PEX5L: variants seen among roughly 807,000 people sequenced by gnomAD.
The protein encoded by PEX5L is peroxisomal biogenesis factor 5 like.
In PEX5L, 30 loss-of-function variants were observed where a neutral mutation model predicts 84.0. That is an observed-to-expected ratio of 0.36 (90% confidence interval 0.27 to 0.48). The LOEUF is 0.48. Among genes scored for constraint, PEX5L ranks in the 20% least tolerant of loss-of-function variants. The pLI, the probability that PEX5L is intolerant of heterozygous loss-of-function variation, is 0.99. For synonymous variants in PEX5L, 270 were observed against 283.1 expected (o/e 0.95, Z 0.46); for missense variants, 533 against 754.6 (o/e 0.71, Z 3.44).
intron 8 of PEX5L, among the ~76,000 whole-genome samples, chr3:179,844,245 T>C (rs1205789841): frequency 6.6e-6 from 1 of 152,236 alleles, no homozygotes; most frequent in African/African-American, 2.4e-5. Flanking sequence ...GGGTCATGTC[T>C]TTATTACTTG....
At chr3:179,885,453 T>G (rs759513126) in intron 4 of PEX5L, among the ~76,000 whole-genome samples, 4 of 152,090 alleles carry the variant, frequency 2.6e-5, no homozygotes, top group Middle Eastern at 3.2e-3. Context: ...GAGACCATCC[T>G]GGCTAACACA....
intron 2 of PEX5L, among the ~76,000 whole-genome samples, chr3:179,918,275 C>T (rs1353883000): frequency 1.3e-5 from 2 of 152,176 alleles, no homozygotes; most frequent in African/African-American, 4.8e-5. Context: ...CCACTGTCAT[C>T]TATCTTCTCC....
chr3:180,036,178 C>A (rs9870509), intron 1 of PEX5L, among the ~76,000 whole-genome samples: 2,402 of 152,256 alleles, frequency 0.016, 77 homozygotes, highest in African/African-American at 0.055. Context: ...GTCAAGCAAC[C>A]TTTTCAGATG....
intron 1 of PEX5L, among the ~76,000 whole-genome samples, chr3:180,016,696 G>A (rs1306751174): frequency 6.6e-6 from 1 of 152,184 alleles, no homozygotes; most frequent in African/African-American, 2.4e-5. Context: ...CAAGAACTCA[G>A]ACAGGGTTGC....
chr3:179,973,486 C>G (rs1360277393), intron 1 of PEX5L: 1 of 962,828 alleles, frequency 1.0e-6, no homozygotes, highest in Non-Finnish European at 1.2e-6. Context: ...TGCTCTTTGA[C>G]TGTTGTTCCC....
chr3:179,855,122 C>T (rs1009544325), intron 8 of PEX5L, among the ~76,000 whole-genome samples: 2 of 152,004 alleles, frequency 1.3e-5, no homozygotes, highest in Non-Finnish European at 2.9e-5. Flanking sequence ...AGGCAGAAGC[C>T]AAAACACCTG....
At chr3:180,002,819 T>C (rs548955623) in intron 1 of PEX5L, among the ~76,000 whole-genome samples, 12 of 152,206 alleles carry the variant, frequency 7.9e-5, no homozygotes, top group Admixed American at 6.5e-4. Flanking sequence ...ATGGCAAATA[T>C]AATAAACCTC....
intron 1 of PEX5L, among the ~76,000 whole-genome samples, chr3:179,983,171 A>G (rs1488095983): frequency 6.6e-6 from 1 of 152,014 alleles, no homozygotes; most frequent in African/African-American, 2.4e-5. Flanking sequence ...ATATGTAAGT[A>G]TACCAATATA....
At chr3:179,966,963 T>A (rs1042790974) in intron 2 of PEX5L, among the ~76,000 whole-genome samples, 1 of 152,200 alleles carries the variant, frequency 6.6e-6, no homozygotes, top group Non-Finnish European at 1.5e-5. Flanking sequence ...TAACTACTTT[T>A]AGCTCTAGTT....
chr3:180,012,480 G>A (rs1789573490), intron 1 of PEX5L, among the ~76,000 whole-genome samples: 1 of 152,114 alleles, frequency 6.6e-6, no homozygotes, highest in Non-Finnish European at 1.5e-5. Context: ...AAACTGGTAG[G>A]TTTTGTTTTG....
At chr3:179,917,931 T>G (rs1466259953) in intron 2 of PEX5L, among the ~76,000 whole-genome samples, 1 of 152,172 alleles carries the variant, frequency 6.6e-6, no homozygotes, top group Non-Finnish European at 1.5e-5. Context: ...AGTGCTGGGA[T>G]TAAAGGTGTG....
chr3:179,959,648 T>C (rs1453877998), intron 2 of PEX5L, among the ~76,000 whole-genome samples: 1 of 152,214 alleles, frequency 6.6e-6, no homozygotes, highest in Admixed American at 6.5e-5. Context: ...TATTTCATAA[T>C]AAAGAAAATG....
intron 2 of PEX5L, among the ~76,000 whole-genome samples, chr3:179,967,177 C>T (rs912129028): frequency 1.3e-5 from 2 of 152,150 alleles, no homozygotes; most frequent in African/African-American, 4.8e-5. Context: ...TTAATCCATT[C>T]ATAGCATGAT....
At chr3:179,913,314 A>G (rs1765831732) in intron 2 of PEX5L, among the ~76,000 whole-genome samples, 1 of 152,148 alleles carries the variant, frequency 6.6e-6, no homozygotes, top group South Asian at 2.1e-4. Context: ...CTTTAGGTAT[A>G]AATTATATGT....
intron 3 of PEX5L, chr3:179,888,178 T>C (rs1756495624): frequency 7.8e-7 from 1 of 1,289,610 alleles, no homozygotes; most frequent in Non-Finnish European, 1.0e-6. Flanking sequence ...AGATGACATG[T>C]TCTGGTTAGC....
chr3:179,856,332 A>G (rs764585678), intron 8 of PEX5L, among the ~76,000 whole-genome samples: 2 of 152,210 alleles, frequency 1.3e-5, no homozygotes, highest in African/African-American at 4.8e-5. Context: ...TATTTCAATT[A>G]TTGCTAGACA....
chr3:179,952,207 A>C (rs2177590), intron 2 of PEX5L, among the ~76,000 whole-genome samples: 108,987 of 152,128 alleles, frequency 0.72, 39,635 homozygotes, highest in East Asian at 0.89. Context: ...AATATCAAAC[A>C]ATCTGGCATA....
chr3:179,819,368 C>G (rs1186738291), intron 9 of PEX5L, among the ~76,000 whole-genome samples: 1 of 152,100 alleles, frequency 6.6e-6, no homozygotes, highest in East Asian at 1.9e-4. Flanking sequence ...GGGACTTTAC[C>G]TGGTTGTGTG....
At chr3:179,904,333 C>G (rs946525510) in intron 2 of PEX5L, among the ~76,000 whole-genome samples, 1 of 152,190 alleles carries the variant, frequency 6.6e-6, no homozygotes, top group African/African-American at 2.4e-5. Flanking sequence ...CCTGGACCTT[C>G]CATTTGTGTT....
Sources: gnomAD v4.1 joint callset for allele counts (sites outside exome capture counted in the v4.1 genomes callset) on GRCh38, gnomAD v4.1.1 for gene constraint, MANE v1.5 for transcripts, NCBI Gene and HGNC (gene_info 2026-07-23, HGNC 2026-07-21) for gene names.